Variants in NKAIN3 observed in about 807,000 individuals in gnomAD.
The protein encoded by NKAIN3 is sodium/potassium-transporting ATPase subunit beta-1-interacting protein 3.
Under a neutral mutation model 30.2 loss-of-function variants are expected in NKAIN3, and 25 were observed. The ratio of observed to expected loss-of-function variants is 0.83; its 90% confidence interval spans 0.60 to 1.16. The LOEUF (loss-of-function observed/expected upper bound fraction) is 1.16. Among genes scored for constraint, NKAIN3 ranks in the 50% most tolerant of loss-of-function variants. The pLI, the probability that NKAIN3 is intolerant of heterozygous loss-of-function variation, is 0.00. For synonymous variants in NKAIN3, 91 were observed against 89.6 expected, an observed-to-expected ratio of 1.02 and a Z score of -0.09; for missense variants, 225 against 254.1, an observed-to-expected ratio of 0.89 and a Z score of 0.78.
chr8:62,856,663 T>G, intron 4 of NKAIN3: 1 of 770,428 alleles, frequency 1.3e-6, no homozygotes, highest in Non-Finnish European at 2.4e-6. Context: ...AGCACTTCAC[T>G]GAGTGAGTCA....
At chr8:62,434,623 C>T (rs1220090024) in intron 1 of NKAIN3, among the ~76,000 whole-genome samples, 4 of 152,166 alleles carry the variant, frequency 2.6e-5, no homozygotes, top group Non-Finnish European at 4.4e-5. Context: ...AAACAAATTA[C>T]ATCATGATCA....
chr8:62,724,057 C>A (rs1258031122), intron 3 of NKAIN3, among the ~76,000 whole-genome samples: 5 of 152,016 alleles, frequency 3.3e-5, no homozygotes, highest in Non-Finnish European at 7.4e-5. Flanking sequence ...AAACTGGAAG[C>A]TTTTATTTGG....
chr8:62,659,524 G>A (rs1379239756), intron 3 of NKAIN3, among the ~76,000 whole-genome samples: 2 of 152,180 alleles, frequency 1.3e-5, no homozygotes, highest in South Asian at 2.1e-4. Context: ...CTCTGCTTTT[G>A]CTATCATTGT....
intron 1 of NKAIN3, among the ~76,000 whole-genome samples, chr8:62,432,289 C>G (rs917064929): frequency 6.6e-6 from 1 of 152,004 alleles, no homozygotes; most frequent in South Asian, 2.1e-4. Context: ...TGAATACTGC[C>G]TTTCCAGTGG....
intron 5 of NKAIN3, chr8:62,990,061 T>A (rs1270035441): frequency 1.1e-5 from 7 of 611,930 alleles, no homozygotes; most frequent in Non-Finnish European, 2.0e-5. Context: ...GGCACTTATA[T>A]TGACTTTTAT....
chr8:62,977,070 T>G lies in NKAIN3; in HGVS notation c.*11663T>G, dbSNP rs1407636733. 3.3e-5 allele frequency among the ~76,000 whole-genome samples: 5 copies of G among 152,194 alleles called. No individual in the cohort carries two copies. Among genetic ancestry groups the G allele is most frequent in the Non-Finnish European group, 7.3e-5 (5 of 68,034 alleles). ...GAGATCTGCTGTTAGTATGATGGGC[T>G]TCCCTTTGTAGGTAACCCAACTTTT... is the stretch of plus-strand genomic sequence containing the variant. On this transcript the variant is annotated 3_prime_UTR_variant, in exon 7 of 7. Transcript: ENST00000623646.
intron 3 of NKAIN3, among the ~76,000 whole-genome samples, chr8:62,727,055 A>T (rs887174204): frequency 1.3e-5 from 2 of 152,156 alleles, no homozygotes; most frequent in Non-Finnish European, 2.9e-5. Context: ...GTGTTAAAAA[A>T]TCAATTAATG....
chr8:62,296,955 A>T (rs1813850210), intron 1 of NKAIN3, among the ~76,000 whole-genome samples: 2 of 152,072 alleles, frequency 1.3e-5, no homozygotes, highest in Non-Finnish European at 2.9e-5. Context: ...AGACCCTCAC[A>T]TTCTTTCTCA....
At position 62,721,040 on chromosome 8, in the gene NKAIN3, G is replaced by A. The variant is rs143253646; in HGVS notation, c.274-25892G>A. Among the ~76,000 whole-genome samples, 423 of 152,280 alleles carry A rather than the reference G, an allele frequency of 2.8e-3. 3 individuals are homozygous for A. The highest frequency in any genetic ancestry group is 9.8e-3 in the African/African-American group (408 of 41,570). On this transcript the variant is annotated intron_variant, in intron 3 of 6. Coordinates refer to ENST00000623646, the MANE Select transcript of NKAIN3 (RefSeq NM_001304533.3). Reference sequence around the variant, plus strand: ...TGAGATGGTGTGAAACAGTGGAGAGGCAATAGCTAGGAAAATCTTTGCCCT... The same window carrying A: ...TGAGATGGTGTGAAACAGTGGAGAGACAATAGCTAGGAAAATCTTTGCCCT...
chr8:62,930,012 T>G (rs538294052), intron 5 of NKAIN3, among the ~76,000 whole-genome samples: 2 of 152,164 alleles, frequency 1.3e-5, no homozygotes, highest in Non-Finnish European at 2.9e-5. Context: ...TAGCAAGTGT[T>G]AAGAGTCACT....
chr8:62,866,636 A>AT (rs1485994682), intron 4 of NKAIN3, among the ~76,000 whole-genome samples: 1 of 152,140 alleles, frequency 6.6e-6, no homozygotes, highest in Admixed American at 6.5e-5. Context: ...AAGGTGCCTC[A>AT]TTTTTTACTT....
At chr8:62,322,352 C>T (rs1814957986) in intron 1 of NKAIN3, among the ~76,000 whole-genome samples, 1 of 152,114 alleles carries the variant, frequency 6.6e-6, no homozygotes, top group South Asian at 2.1e-4. Context: ...CACTTTCCAA[C>T]ACTCCCCAGT....
intron 4 of NKAIN3, among the ~76,000 whole-genome samples, chr8:62,869,665 C>T (rs1295595939): frequency 6.6e-6 from 1 of 152,304 alleles, no homozygotes; most frequent in East Asian, 1.9e-4. Context: ...CTACTTGCAC[C>T]AGCAACCCCT....
At chr8:62,564,731 G>C (rs534483573) in intron 1 of NKAIN3, among the ~76,000 whole-genome samples, 1 of 152,118 alleles carries the variant, frequency 6.6e-6, no homozygotes. Context: ...ATTGCTTCTT[G>C]ATGTTTTGTT....
chr8:62,680,787 T>C (rs1481618195), intron 3 of NKAIN3, among the ~76,000 whole-genome samples: 1 of 152,168 alleles, frequency 6.6e-6, no homozygotes, highest in Non-Finnish European at 1.5e-5. Flanking sequence ...CTAAATCATT[T>C]TGAAAAATAA....
intron 1 of NKAIN3, among the ~76,000 whole-genome samples, chr8:62,274,392 A>G (rs371730088): frequency 6.6e-6 from 1 of 152,116 alleles, no homozygotes; most frequent in African/African-American, 2.4e-5. Flanking sequence ...ATTCCTGTGA[A>G]CCAGCTGTGA....
chr8:62,321,362 A>T (rs1814896204), intron 1 of NKAIN3, among the ~76,000 whole-genome samples: 1 of 152,106 alleles, frequency 6.6e-6, no homozygotes, highest in Admixed American at 6.5e-5. Context: ...GCTTTGTTCC[A>T]TTGCTGGTGA....
chr8:62,636,378 C>CAT (rs1426879493), intron 3 of NKAIN3, among the ~76,000 whole-genome samples: 2 of 152,136 alleles, frequency 1.3e-5, no homozygotes, highest in Non-Finnish European at 2.9e-5. Flanking sequence ...CACATACACA[C>CAT]ATATATATAC....
intron 3 of NKAIN3, among the ~76,000 whole-genome samples, chr8:62,657,506 A>G (rs999636105): frequency 2.0e-5 from 3 of 152,190 alleles, no homozygotes; most frequent in Admixed American, 6.6e-5. Flanking sequence ...TTAATCCTGC[A>G]ATTGTATTAA....
Sources: allele counts gnomAD v4.1 joint callset (sites outside exome capture counted in the v4.1 genomes callset), GRCh38; gene constraint gnomAD v4.1.1; transcripts MANE v1.5; gene names NCBI Gene and HGNC (gene_info 2026-07-23, HGNC 2026-07-21).